Variants in PHF21A observed in about 807,000 individuals in gnomAD.
PHF21A encodes PHD finger protein 21A, also known as BHC80a.
Under a neutral mutation model 82.5 loss-of-function variants are expected in PHF21A, and 11 were observed. That is an observed-to-expected ratio of 0.13 (90% CI 0.08 to 0.22). The LOEUF is 0.22. Among genes scored for constraint, PHF21A ranks in the 10% least tolerant of loss-of-function variants. The pLI, the probability that PHF21A is intolerant of heterozygous loss-of-function variation, is 1.00. For synonymous variants in PHF21A, 297 were observed against 302.8 expected (o/e 0.98, Z 0.20); for missense variants, 579 against 837.8 (o/e 0.69, Z 3.81).
At position 45,965,621 on chromosome 11, in the gene PHF21A, G is replaced by A. The variant is rs527853193; in HGVS notation, c.703-13C>T. 1.3e-5 allele frequency: 20 copies of A among 1,517,382 alleles called. No individual in the cohort carries two copies. The South Asian group carries it at 2.3e-4, about 17-fold the overall frequency. The allele number at this position is 1,517,382 out of a possible 1,614,324, so 94.0% of individuals were successfully genotyped here. A position where few individuals can be genotyped will look rare whatever the true frequency, so the allele number is the denominator to read the frequency against. On this transcript the variant is annotated splice_polypyrimidine_tract_variant and intron_variant, in intron 9 of 18. Coordinates refer to ENST00000676320, the MANE Select transcript of PHF21A (RefSeq NM_001352027.3). ...GCTTGGGTCGAACCTATAGGGGAAA[G>A]AGAGAATAATTATTGTATTACTTAA...
intron 6 of PHF21A, among the ~76,000 whole-genome samples, chr11:45,992,304 G>A (rs943356365): frequency 1.3e-5 from 2 of 151,732 alleles, no homozygotes; most frequent in Non-Finnish European, 2.9e-5. Context: ...AGGCTGAGGC[G>A]GGCAGATCAT....
At chr11:46,094,161 T>C (rs1051791071) in intron 1 of PHF21A, among the ~76,000 whole-genome samples, 8 of 152,214 alleles carry the variant, frequency 5.3e-5, no homozygotes, top group Admixed American at 2.6e-4. Flanking sequence ...TATTAATAAA[T>C]GCTGCTGAAA....
chr11:46,115,047 T>C (rs1192248211), intron 1 of PHF21A, among the ~76,000 whole-genome samples: 16 of 152,230 alleles, frequency 1.1e-4, no homozygotes, highest in Admixed American at 1.0e-3. Flanking sequence ...AACATTTCTG[T>C]AACTGATTCC....
At chr11:45,969,087 G>C (rs1267396901) in intron 9 of PHF21A, among the ~76,000 whole-genome samples, 1 of 152,080 alleles carries the variant, frequency 6.6e-6, no homozygotes, top group Non-Finnish European at 1.5e-5. Flanking sequence ...GAGGCTATTT[G>C]GAAATCATTT....
Position 46,110,716 on chromosome 11 carries a change from A to AT in PHF21A, c.-237+10218dup, listed in dbSNP as rs939367160. 4.4e-4 allele frequency among the ~76,000 whole-genome samples: 67 copies of AT among 152,242 alleles called. 2 individuals carry two copies. Among genetic ancestry groups the AT allele is most frequent in the Admixed American group, 2.0e-3 (30 of 15,286 alleles). The stretch of plus-strand genomic sequence containing the variant: ...ATAAAACAGCTTATAAAGTAGAAGC[A>AT]TATCAGACCAGATTCCATACATTTT... On this transcript the variant is annotated intron_variant, in intron 1 of 18. Coordinates refer to ENST00000676320, the MANE Select transcript of PHF21A (RefSeq NM_001352027.3).
chr11:46,027,591 GCAAGCCAATC>G (rs1329488755), intron 6 of PHF21A, among the ~76,000 whole-genome samples: 12 of 152,196 alleles, frequency 7.9e-5, no homozygotes, highest in Non-Finnish European at 1.8e-4. Flanking sequence ...CAAGAATGAA[GCAAGCCAATC>G]AACGAAATGC....
chr11:45,954,038 C>A (rs887307964), intron 10 of PHF21A, among the ~76,000 whole-genome samples: 1 of 152,114 alleles, frequency 6.6e-6, no homozygotes, highest in Admixed American at 6.5e-5. Context: ...CTCTCGTTGC[C>A]CAGGCTGGAG....
chr11:46,099,523 GACACACAC>G lies in PHF21A; in HGVS notation c.-236-7308_-236-7301del, dbSNP rs71038882. Among the ~76,000 whole-genome samples the G allele has an allele frequency of 1.7e-3, 235 of 137,672 alleles. 1 individual carries two copies. The highest frequency in any genetic ancestry group is 1.8e-3 in the Non-Finnish European group (115 of 64,318). The allele number at this position is 137,672 out of a possible 152,430, so 90.3% of individuals were successfully genotyped here. On this transcript the variant is annotated intron_variant, in intron 1 of 18. Transcript: ENST00000676320. ...TGCCTTTCAGGCTATAGAAAAATTA[GACACACAC>G]ACACACACACACACACACACACACA...
At chr11:45,966,307 C>G (rs1367132431) in intron 9 of PHF21A, among the ~76,000 whole-genome samples, 1 of 152,178 alleles carries the variant, frequency 6.6e-6, no homozygotes, top group Non-Finnish European at 1.5e-5. Flanking sequence ...ATTTCTTCTT[C>G]CAATCTTCTC....
intron 16 of PHF21A, among the ~76,000 whole-genome samples, chr11:45,937,084 C>T (rs1822969686): frequency 6.6e-6 from 1 of 152,170 alleles, no homozygotes; most frequent in African/African-American, 2.4e-5. Context: ...AAAGCAGCAT[C>T]AGGAGGAGGA....
At chr11:46,054,863 G>A (rs2096428152) in intron 6 of PHF21A, among the ~76,000 whole-genome samples, 1 of 152,160 alleles carries the variant, frequency 6.6e-6, no homozygotes, top group African/African-American at 2.4e-5. Context: ...CAATACAGTA[G>A]AAGCTCTTTT....
chr11:46,102,108 G>A (rs776061193), intron 1 of PHF21A, among the ~76,000 whole-genome samples: 2 of 151,836 alleles, frequency 1.3e-5, no homozygotes, highest in African/African-American at 2.4e-5. Context: ...CACCCGCCTC[G>A]GCCTCCCAAA....
At chr11:45,940,972 C>T (rs1246513624) in intron 15 of PHF21A, among the ~76,000 whole-genome samples, 1 of 152,174 alleles carries the variant, frequency 6.6e-6, no homozygotes, top group African/African-American at 2.4e-5. Flanking sequence ...CCAAAGGAAA[C>T]TTCCTATCTG....
intron 6 of PHF21A, among the ~76,000 whole-genome samples, chr11:46,014,119 G>C (rs1453108265): frequency 1.3e-5 from 2 of 152,154 alleles, no homozygotes; most frequent in Non-Finnish European, 2.9e-5. Context: ...CCCACATGGT[G>C]AACATAGTAC....
At chr11:46,049,642 G>C (rs1289034387) in intron 6 of PHF21A, 1 of 373,558 alleles carries the variant, frequency 2.7e-6, no homozygotes, top group Non-Finnish European at 5.3e-6. Flanking sequence ...CTTGCTGGTT[G>C]CCAGCATGCT....
rs544179424 is a variant in PHF21A at position 46,074,796 on chromosome 11, C to A, written c.153+1958G>T. Among the ~76,000 whole-genome samples the A allele has an allele frequency of 8.5e-5, 13 of 152,266 alleles. No individual in the cohort carries two copies. The South Asian group carries it at 2.5e-3, about 29-fold the overall frequency. ...GGGATTACAGGCGTGAGCCACCGTG[C>A]CTGGCCAATAAAACTATTCTAAACT... On this transcript the variant is annotated intron_variant, in intron 6 of 18. Transcript: ENST00000676320.
At chr11:46,043,970 T>C (rs1028265155) in intron 6 of PHF21A, among the ~76,000 whole-genome samples, 1 of 152,218 alleles carries the variant, frequency 6.6e-6, no homozygotes, top group African/African-American at 2.4e-5. Flanking sequence ...AGAATTTAAT[T>C]TGTAGTAAAT....
chr11:46,040,166 A>T (rs1428404968), intron 6 of PHF21A, among the ~76,000 whole-genome samples: 1 of 152,186 alleles, frequency 6.6e-6, no homozygotes, highest in Non-Finnish European at 1.5e-5. Context: ...ATCCCAAGTG[A>T]CTTTTCACTC....
intron 17 of PHF21A, 114 bp downstream of exon 17, chr11:45,936,379 CA>C (rs779839001): frequency 4.1e-5 from 28 of 675,260 alleles, no homozygotes; most frequent in Non-Finnish European, 3.1e-5. Context: ...TAGTTAAGGG[CA>C]AAAGGTTTTC....
Sources: gnomAD v4.1 joint callset for allele counts (sites outside exome capture counted in the v4.1 genomes callset) on GRCh38, gnomAD v4.1.1 for gene constraint, MANE v1.5 for transcripts, NCBI Gene and HGNC (gene_info 2026-07-23, HGNC 2026-07-21) for gene names.